IRAK2: variants seen among roughly 807,000 people sequenced by gnomAD.
IRAK2 encodes the protein interleukin-1 receptor-associated kinase-like 2.
A neutral mutation model predicts 72.0 loss-of-function variants in IRAK2; 57 were observed. The observed-to-expected ratio is 0.79, with a 90% CI of 0.64 to 0.99. The LOEUF is 0.99. Among genes scored for constraint, IRAK2 ranks in the 50% least tolerant of loss-of-function variants. The pLI is 0.00. For synonymous variants in IRAK2, 293 were observed against 312.7 expected (o/e 0.94, Z 0.67); for missense variants, 790 against 794.4 (o/e 0.99, Z 0.07).
intron 3 of IRAK2, among the ~76,000 whole-genome samples, chr3:10,202,581 C>G (rs1333745862): frequency 2.0e-5 from 3 of 152,036 alleles, no homozygotes; most frequent in Non-Finnish European, 4.4e-5. Flanking sequence ...TGAGATCGTG[C>G]CACTGCATTC....
chr3:10,184,723 G>GTTTTTTTTTTTT (rs55839723), intron 2 of IRAK2, among the ~76,000 whole-genome samples: 6 of 102,024 alleles, frequency 5.9e-5, no homozygotes, highest in Admixed American at 1.2e-4. Context: ...GTTTTTGTGT[G>GTTTTTTTTTTTT]TTTTTTTTTT....
At chr3:10,168,198 AT>A (rs1237596467) in intron 1 of IRAK2, among the ~76,000 whole-genome samples, 1 of 148,588 alleles carries the variant, frequency 6.7e-6, no homozygotes, top group Non-Finnish European at 1.5e-5. Flanking sequence ...AACATGTGTT[AT>A]TTTTTTCTTT....
chr3:10,221,152 G>A (rs1697682140), intron 8 of IRAK2, among the ~76,000 whole-genome samples: 1 of 151,190 alleles, frequency 6.6e-6, no homozygotes, highest in Non-Finnish European at 1.5e-5. Context: ...CAGCACTTTG[G>A]GTGGCCAAGG....
At chr3:10,175,327 A>G (rs1333568722) in intron 1 of IRAK2, among the ~76,000 whole-genome samples, 2 of 151,892 alleles carry the variant, frequency 1.3e-5, no homozygotes, top group African/African-American at 4.8e-5. Context: ...GGGTTTCACC[A>G]TGTTGGCCAG....
chr3:10,231,316 G>T (rs1697858473), intron 10 of IRAK2, among the ~76,000 whole-genome samples: 1 of 151,584 alleles, frequency 6.6e-6, no homozygotes, highest in Non-Finnish European at 1.5e-5. Flanking sequence ...TTTTGAAATG[G>T]AGTCTCCCTC....
chr3:10,193,848 G>A (rs1261479757), intron 2 of IRAK2, among the ~76,000 whole-genome samples: 1 of 152,250 alleles, frequency 6.6e-6, no homozygotes, highest in African/African-American at 2.4e-5. Flanking sequence ...CTGCTGCTGG[G>A]CTCCTATGTT....
chr3:10,190,515 C>A (rs1697159234), intron 2 of IRAK2, among the ~76,000 whole-genome samples: 1 of 152,064 alleles, frequency 6.6e-6, no homozygotes, highest in African/African-American at 2.4e-5. Context: ...TCCATGCATT[C>A]ATTATTCCAT....
chr3:10,165,100 G>C (rs996438567), intron 1 of IRAK2, 52 bp downstream of exon 1: 2 of 1,501,846 alleles, frequency 1.3e-6, no homozygotes, highest in Non-Finnish European at 1.8e-6. Context: ...AGCCCCCAGC[G>C]ATCCCGCCTG....
chr3:10,221,248 A>AT (rs34742796), intron 8 of IRAK2, among the ~76,000 whole-genome samples: 8,791 of 89,692 alleles, frequency 0.098, 487 homozygotes, highest in East Asian at 0.19. Flanking sequence ...AAAAAAAAAA[A>AT]TTTTTTTTTT....
At chr3:10,204,616 T>C (rs1171487061) in intron 3 of IRAK2, among the ~76,000 whole-genome samples, 1 of 152,074 alleles carries the variant, frequency 6.6e-6, no homozygotes, top group East Asian at 1.9e-4. Context: ...AGGCATGGTC[T>C]CAGGCGCCTG....
intron 2 of IRAK2, among the ~76,000 whole-genome samples, chr3:10,179,526 T>C (rs1559439714): frequency 6.7e-6 from 1 of 149,644 alleles, no homozygotes; most frequent in African/African-American, 2.5e-5. Context: ...CTCTGCCTCC[T>C]GGGTTCAAGT....
Position 10,213,264 on chromosome 3 carries a change from C to G in IRAK2, c.586C>G (p.Leu196Val). ...EKLLSLAGDS[L>V]FWSEADVVQA... is the part of the protein sequence containing the mutation. ...ACTTTTGAGCTTGGCTGGAGACAGC[C>G]TTTTCTGGAGTGAGGCAGACGTGGT... Residue 196 changes from leucine to valine, a missense_variant, in exon 5 of 13, where the codon CTT (leucine) becomes GTT (valine). Physicochemically the swap from Leu to Val is conservative, Grantham distance 32 (BLOSUM62 1). Transcript: ENST00000256458. 3 of 1,614,164 alleles carry G rather than the reference C, an allele frequency of 1.9e-6. No homozygotes were observed. Among genetic ancestry groups the G allele is most frequent in the South Asian group, 1.1e-5 (1 of 91,084 alleles).
chr3:10,213,284 C>CGT lies in IRAK2; in HGVS notation c.608_609dup (p.Val204TrpfsTer167). 2.5e-6 allele frequency: 4 copies of CGT among 1,614,134 alleles called. No homozygotes were observed. The highest frequency in any genetic ancestry group is 3.4e-6 in the Non-Finnish European group (4 of 1,180,018). On this transcript the variant is annotated frameshift_variant, in exon 5 of 13. Transcript: ENST00000256458. LOFTEE classifies it high-confidence loss of function. The stretch of plus-strand genomic sequence containing the variant: ...ACAGCCTTTTCTGGAGTGAGGCAGA[C>CGT]GTGGTCCAGGCAACCGATGACTTCA...
At chr3:10,202,159 T>C (rs1697369693) in intron 3 of IRAK2, among the ~76,000 whole-genome samples, 1 of 152,190 alleles carries the variant, frequency 6.6e-6, no homozygotes, top group African/African-American at 2.4e-5. Context: ...AATATATGTA[T>C]TTTTAAGTGT....
At chr3:10,223,504 G>T (rs1291378844) in intron 9 of IRAK2, among the ~76,000 whole-genome samples, 1 of 152,232 alleles carries the variant, frequency 6.6e-6, no homozygotes, top group African/African-American at 2.4e-5. Flanking sequence ...CTCTAGGATT[G>T]ATGTGTTAAA....
chr3:10,203,147 C>A (rs1697388411), intron 3 of IRAK2, among the ~76,000 whole-genome samples: 1 of 152,056 alleles, frequency 6.6e-6, no homozygotes, highest in Non-Finnish European at 1.5e-5. Flanking sequence ...TAGGCACGCA[C>A]CACCACGTCT....
chr3:10,204,084 T>C (rs1462352828), intron 3 of IRAK2, among the ~76,000 whole-genome samples: 1 of 152,212 alleles, frequency 6.6e-6, no homozygotes, highest in African/African-American at 2.4e-5. Flanking sequence ...TCAGAATCTG[T>C]TTACTTACTC....
At chr3:10,198,862 C>T (rs1027661616) in intron 2 of IRAK2, among the ~76,000 whole-genome samples, 2 of 152,104 alleles carry the variant, frequency 1.3e-5, no homozygotes, top group African/African-American at 4.8e-5. Context: ...TGACATCAAG[C>T]GAGTCAGCAG....
At chr3:10,192,833 C>T (rs1379384713) in intron 2 of IRAK2, among the ~76,000 whole-genome samples, 2 of 152,190 alleles carry the variant, frequency 1.3e-5, no homozygotes, top group African/African-American at 2.4e-5. Flanking sequence ...GTAGGACAAT[C>T]GCTTGAACCC....
Sources: gnomAD v4.1 joint callset for allele counts (sites outside exome capture counted in the v4.1 genomes callset) on GRCh38, gnomAD v4.1.1 for gene constraint, MANE v1.5 for transcripts, NCBI Gene and HGNC (gene_info 2026-07-23, HGNC 2026-07-21) for gene names.